KCNIP1: variants seen among roughly 807,000 people sequenced by gnomAD.
The protein encoded by KCNIP1 is A-type potassium channel modulatory protein KCNIP1.
In KCNIP1, 18 loss-of-function variants were observed where a neutral mutation model predicts 33.0. That is an observed-to-expected ratio of 0.55 (90% confidence interval 0.38 to 0.81). KCNIP1 has a LOEUF of 0.81. Among genes scored for constraint, KCNIP1 ranks in the 30% least tolerant of loss-of-function variants. The pLI is 0.00. For missense variants in KCNIP1, 238 were observed against 271.6 expected, an observed-to-expected ratio of 0.88 and a Z score of 0.87; for synonymous variants, 93 against 98.3, an observed-to-expected ratio of 0.95 and a Z score of 0.32.
chr5:170,711,299 T>C (rs144078590), intron 1 of KCNIP1, among the ~76,000 whole-genome samples: 2 of 152,350 alleles, frequency 1.3e-5, no homozygotes, highest in African/African-American at 4.8e-5. Flanking sequence ...ATGGTCTATG[T>C]GTATGCCTCC....
At chr5:170,565,148 A>G (rs1314106080) in intron 1 of KCNIP1, among the ~76,000 whole-genome samples, 1 of 151,902 alleles carries the variant, frequency 6.6e-6, no homozygotes, top group Non-Finnish European at 1.5e-5. Flanking sequence ...AACATTCAGG[A>G]CACGTTCTGC....
chr5:170,715,914 G>T (rs143787163), intron 1 of KCNIP1, among the ~76,000 whole-genome samples: 1 of 152,160 alleles, frequency 6.6e-6, no homozygotes, highest in African/African-American at 2.4e-5. Context: ...ACGGGTTCAC[G>T]CTCTTCTCTC....
At chr5:170,479,398 C>T (rs1756925212) in intron 1 of KCNIP1, among the ~76,000 whole-genome samples, 1 of 151,998 alleles carries the variant, frequency 6.6e-6, no homozygotes, top group Admixed American at 6.6e-5. Flanking sequence ...TATTTTTTTC[C>T]AAGACTATTA....
intron 1 of KCNIP1, among the ~76,000 whole-genome samples, chr5:170,469,732 C>T (rs1362434353): frequency 6.6e-6 from 1 of 152,184 alleles, no homozygotes; most frequent in Non-Finnish European, 1.5e-5. Context: ...GCAAAGCCAC[C>T]TTTATCTAGC....
intron 1 of KCNIP1, among the ~76,000 whole-genome samples, chr5:170,650,915 C>T (rs1412567653): frequency 2.6e-5 from 4 of 152,160 alleles, no homozygotes; most frequent in Admixed American, 6.5e-5. Flanking sequence ...ACATGTGGAT[C>T]TAAAATATGC....
rs184309615 is a variant in KCNIP1 at position 170,611,916 on chromosome 5, A to G, written c.62-106842A>G. On this transcript the variant is annotated intron_variant, in intron 1 of 7. Coordinates refer to ENST00000328939, the MANE Select transcript of KCNIP1 (RefSeq NM_014592.4). ...ATTTGTTCATTCATTCTGTTAATAT[A>G]TATTAACTGAACACGAGCCAGGCAC... Among the ~76,000 whole-genome samples the G allele has an allele frequency of 2.4e-3, 360 of 152,322 alleles. 4 individuals carry two copies. The highest frequency in any genetic ancestry group is 3.8e-3 in the Non-Finnish European group (257 of 68,032).
At chr5:170,671,270 A>T (rs1393682442) in intron 1 of KCNIP1, among the ~76,000 whole-genome samples, 2 of 152,144 alleles carry the variant, frequency 1.3e-5, no homozygotes, top group Non-Finnish European at 2.9e-5. Context: ...GATCTGTCAC[A>T]CACCACCTCC....
chr5:170,505,295 C>T (rs1754669747), intron 1 of KCNIP1, among the ~76,000 whole-genome samples: 4 of 152,138 alleles, frequency 2.6e-5, no homozygotes, highest in African/African-American at 9.7e-5. Flanking sequence ...ACCACCTGTC[C>T]CCAGCCGAGG....
chr5:170,419,249 G>A (rs1407525373), intron 1 of KCNIP1, among the ~76,000 whole-genome samples: 1 of 152,198 alleles, frequency 6.6e-6, no homozygotes, highest in African/African-American at 2.4e-5. Flanking sequence ...AGGTTTGGGG[G>A]TTCCACAGCA....
chr5:170,588,492 A>G (rs1259237204), intron 1 of KCNIP1, among the ~76,000 whole-genome samples: 1 of 152,156 alleles, frequency 6.6e-6, no homozygotes, highest in Non-Finnish European at 1.5e-5. Flanking sequence ...AGCAGCTTGT[A>G]GTTGTGTGTG....
At chr5:170,560,447 C>A (rs1277352479) in intron 1 of KCNIP1, among the ~76,000 whole-genome samples, 1 of 152,096 alleles carries the variant, frequency 6.6e-6, no homozygotes, top group African/African-American at 2.4e-5. Flanking sequence ...ACTCTGTGAC[C>A]TTGAGCCTCT....
At chr5:170,491,776 T>G (rs1757211207) in intron 1 of KCNIP1, among the ~76,000 whole-genome samples, 1 of 152,178 alleles carries the variant, frequency 6.6e-6, no homozygotes, top group African/African-American at 2.4e-5. Context: ...ATTTTAAATA[T>G]GCCGGAAACT....
intron 1 of KCNIP1, among the ~76,000 whole-genome samples, chr5:170,356,717 C>T (rs545562351): frequency 1.3e-5 from 2 of 152,206 alleles, no homozygotes; most frequent in Non-Finnish European, 2.9e-5. Context: ...GCCAGAGCTA[C>T]TAGCATGGGG....
intron 1 of KCNIP1, among the ~76,000 whole-genome samples, chr5:170,515,697 A>G (rs561668193): frequency 3.9e-5 from 6 of 152,348 alleles, no homozygotes; most frequent in African/African-American, 1.2e-4. Context: ...CATAAGTGGA[A>G]AAGCCAGGAT....
At chr5:170,578,297 A>G (rs1376395507) in intron 1 of KCNIP1, among the ~76,000 whole-genome samples, 1 of 152,174 alleles carries the variant, frequency 6.6e-6, no homozygotes, top group East Asian at 1.9e-4. Flanking sequence ...GAGATCATTG[A>G]ATGAGGTGAG....
chr5:170,581,321 G>A (rs1339281362), intron 1 of KCNIP1, among the ~76,000 whole-genome samples: 2 of 152,214 alleles, frequency 1.3e-5, no homozygotes, highest in African/African-American at 2.4e-5. Flanking sequence ...GGACTCACAA[G>A]TTGAGCTCAC....
intron 1 of KCNIP1, among the ~76,000 whole-genome samples, chr5:170,653,697 C>T (rs186519639): frequency 1.3e-5 from 2 of 151,816 alleles, no homozygotes; most frequent in African/African-American, 2.4e-5. Flanking sequence ...CTCTCTCTCT[C>T]ATCTCTGCTT....
intron 1 of KCNIP1, among the ~76,000 whole-genome samples, chr5:170,373,835 GTTTTGAC>G (rs1763914781): frequency 6.6e-6 from 1 of 152,222 alleles, no homozygotes; most frequent in African/African-American, 2.4e-5. Flanking sequence ...TATGAACAGA[GTTTTGAC>G]TTTGCAAGCC....
At chr5:170,384,137 A>C (rs554127002) in intron 1 of KCNIP1, among the ~76,000 whole-genome samples, 6 of 152,320 alleles carry the variant, frequency 3.9e-5, no homozygotes, top group African/African-American at 1.4e-4. Context: ...CCCGTGTCCA[A>C]GCTACACCCC....
Sources: gnomAD v4.1 joint callset for allele counts (sites outside exome capture counted in the v4.1 genomes callset) on GRCh38, gnomAD v4.1.1 for gene constraint, MANE v1.5 for transcripts, NCBI Gene and HGNC (gene_info 2026-07-23, HGNC 2026-07-21) for gene names.